MLKL: variants seen among roughly 807,000 people sequenced by gnomAD.
MLKL encodes mixed lineage kinase domain like pseudokinase.
MLKL carries 55 observed loss-of-function variants against 56.5 expected under a neutral mutation model. The ratio of observed to expected loss-of-function variants is 0.97; its 90% CI spans 0.78 to 1.22. The LOEUF (loss-of-function observed/expected upper bound fraction) is 1.22. Among genes scored for constraint, MLKL ranks in the 50% most tolerant of loss-of-function variants. The pLI is 0.00. For missense variants in MLKL, 694 were observed against 573.9 expected, an observed-to-expected ratio of 1.21 and a Z score of -2.14; for synonymous variants, 251 against 208.3, an observed-to-expected ratio of 1.20 and a Z score of -1.76.
At chr16:74,685,701 C>A in intron 4 of MLKL, 118 bp from the exon 5 acceptor site, 1 of 744,928 alleles carries the variant, frequency 1.3e-6, no homozygotes, top group Non-Finnish European at 2.3e-6. Context: ...GGGGTGAGAA[C>A]TGGTGCCAGG....
chr16:74,688,677 C>T (rs1960483783), intron 4 of MLKL, among the ~76,000 whole-genome samples: 1 of 152,152 alleles, frequency 6.6e-6, no homozygotes, highest in African/African-American at 2.4e-5. Context: ...CACACCACTA[C>T]ACTCCAGCCT....
At chr16:74,675,266 T>G (rs1959515919) in intron 9 of MLKL, 89 bp downstream of exon 9, 2 of 1,589,766 alleles carry the variant, frequency 1.3e-6, no homozygotes, top group African/African-American at 2.7e-5. Context: ...AACAACAAAT[T>G]GCCAGGGGCA....
chr16:74,692,769 G>A (rs370204988), intron 2 of MLKL, among the ~76,000 whole-genome samples: 83 of 152,372 alleles, frequency 5.4e-4, no homozygotes, highest in African/African-American at 2.0e-3. Flanking sequence ...TATCCTGGAA[G>A]GAGGACATTC....
At chr16:74,699,214 A>G (rs1449148463) in intron 1 of MLKL, among the ~76,000 whole-genome samples, 2 of 152,212 alleles carry the variant, frequency 1.3e-5, no homozygotes, top group Admixed American at 1.3e-4. Context: ...GGCTGGGAAG[A>G]CTAAAACAGA....
intron 10 of MLKL, among the ~76,000 whole-genome samples, chr16:74,672,947 C>T (rs939524344): frequency 2.0e-5 from 3 of 152,186 alleles, no homozygotes; most frequent in African/African-American, 7.2e-5. Context: ...ATTAAGTCTG[C>T]GCTTCTGCTC....
intron 5 of MLKL, among the ~76,000 whole-genome samples, chr16:74,684,640 A>G (rs965084762): frequency 6.8e-6 from 1 of 147,552 alleles, no homozygotes; most frequent in East Asian, 2.1e-4. Flanking sequence ...GACTAGAGGC[A>G]TGTGCCACCA....
intron 6 of MLKL, among the ~76,000 whole-genome samples, chr16:74,679,787 C>G (rs1472874233): frequency 1.3e-5 from 2 of 152,030 alleles, no homozygotes; most frequent in Non-Finnish European, 2.9e-5. Flanking sequence ...TATACTCCAG[C>G]CTGGGCAGCA....
intron 2 of MLKL, among the ~76,000 whole-genome samples, chr16:74,693,453 C>CAAAAAAAA (rs71158538): frequency 2.0e-4 from 7 of 35,370 alleles, no homozygotes; most frequent in Admixed American, 8.5e-4. Context: ...GACTCTGTCT[C>CAAAAAAAA]AAAAAAAAAA....
intron 1 of MLKL, among the ~76,000 whole-genome samples, chr16:74,699,749 A>T (rs766498277): frequency 2.6e-5 from 4 of 152,162 alleles, no homozygotes; most frequent in Non-Finnish European, 5.9e-5. Context: ...AGCCTGGGTG[A>T]CAAAGCGAGA....
At position 74,700,598 on chromosome 16, in the gene MLKL, C is replaced by G. The variant is rs1348051689; in HGVS notation, c.-148G>C. 1 of 152,690 alleles carries G rather than the reference C, an allele frequency of 6.5e-6. No homozygotes were observed. Among genetic ancestry groups the G allele is most frequent in the Admixed American group, 6.5e-5 (1 of 15,284 alleles). The allele number at this position is 152,690 out of a possible 1,614,324, so 9.5% of individuals were successfully genotyped here. A position where few individuals can be genotyped will look rare whatever the true frequency, so the allele number is the denominator to read the frequency against. ...GCCCGCGGGAGTTCCCCTGCGCCCC[C>G]TTTCCTGGTGCCCGCACCCTGCACT... On this transcript the variant is annotated 5_prime_UTR_variant, in exon 1 of 11. Coordinates refer to ENST00000308807, the MANE Select transcript of MLKL (RefSeq NM_152649.4).
At chr16:74,695,841 C>A in intron 1 of MLKL, 82 bp from the exon 2 acceptor site, 1 of 1,286,244 alleles carries the variant, frequency 7.8e-7, no homozygotes, top group South Asian at 1.5e-5. Flanking sequence ...TCAAAGCGGT[C>A]TGTGACTTAA....
At position 74,685,535 on chromosome 16, in the gene MLKL, G is replaced by C; in HGVS notation, c.771C>G (p.Phe257Leu). The C allele has an allele frequency of 1.2e-6, 2 of 1,614,016 alleles. No individual in the cohort carries two copies. The highest frequency in any genetic ancestry group is 2.2e-5 in the South Asian group (2 of 91,070). The stretch of plus-strand genomic sequence containing the variant: ...ATATACGCAGGATGTTGGGAGATTC[G>C]AATTTCTTCATGGTTTTGATCTCCT... Reference protein sequence around the residue: ...FNKEIKTMKKFESPNILRIFG... With the variant: ...FNKEIKTMKKLESPNILRIFG... The change falls in exon 5 of 11, where the codon TTC becomes TTG. Residue 257 changes from phenylalanine to leucine, a missense_variant. By Grantham distance (22) the Phe-to-Leu change is conservative. Coordinates refer to ENST00000308807, the MANE Select transcript of MLKL (RefSeq NM_152649.4).
chr16:74,686,030 G>C (rs964802663), intron 4 of MLKL, among the ~76,000 whole-genome samples: 1 of 151,360 alleles, frequency 6.6e-6, no homozygotes. Flanking sequence ...TGCGATCTTG[G>C]CTCACTGCAG....
chr16:74,693,865 A>T (rs959084403), intron 2 of MLKL, among the ~76,000 whole-genome samples: 3 of 152,098 alleles, frequency 2.0e-5, no homozygotes, highest in Non-Finnish European at 4.4e-5. Flanking sequence ...GGCCTCCCAA[A>T]GTGCTGGGAT....
chr16:74,675,712 G>A lies in MLKL; in HGVS notation c.1091C>T (p.Thr364Met), dbSNP rs34389205. 30,887 of 1,614,006 alleles carry A rather than the reference G, an allele frequency of 0.019. 402 individuals carry two copies. Among genetic ancestry groups the A allele is most frequent in the Non-Finnish European group, 0.021 (25,087 of 1,179,978 alleles). Residue 364 changes from threonine (T) to methionine (M), a missense_variant, in exon 8 of 11, where the codon ACG becomes ATG. By Grantham distance (81) the Thr-to-Met change is moderately conservative. Transcript: ENST00000308807. Reference sequence around the variant, plus strand: ...TTTGACTCTGTCTGTCTTTTCTCTCGTAGTTCCCAAACTCATGGAAGTCTG... The same window carrying A: ...TTTGACTCTGTCTGTCTTTTCTCTCATAGTTCCCAAACTCATGGAAGTCTG... The part of the protein sequence containing the change: ...KTQTSMSLGT[T>M]REKTDRVKST...
chr16:74,684,717 A>G (rs779743065), intron 5 of MLKL, among the ~76,000 whole-genome samples: 2 of 152,016 alleles, frequency 1.3e-5, no homozygotes, highest in African/African-American at 4.8e-5. Flanking sequence ...GACGGTCTCA[A>G]GCTCCTGACC....
chr16:74,674,349 C>T lies in MLKL; in HGVS notation c.1381+611G>A, dbSNP rs114034367. On this transcript the variant is annotated intron_variant, in intron 10 of 10. Transcript: ENST00000308807. The stretch of plus-strand genomic sequence containing the variant: ...TGGGTTTTTAATAGAGACGAGGTTT[C>T]ATCATGCTGGCCAGGGTGGTCTCAA... 7.8e-3 allele frequency among the ~76,000 whole-genome samples: 1,189 copies of T among 151,944 alleles called. 18 individuals are homozygous for T. The highest frequency in any genetic ancestry group is 0.028 in the African/African-American group (1,146 of 41,446).
chr16:74,700,000 C>G (rs1178369671), intron 1 of MLKL, among the ~76,000 whole-genome samples: 1 of 152,004 alleles, frequency 6.6e-6, no homozygotes, highest in African/African-American at 2.4e-5. Flanking sequence ...GATGAGAAAA[C>G]AGGTTACTAA....
At chr16:74,683,078 A>G (rs35127122) in intron 5 of MLKL, among the ~76,000 whole-genome samples, 7 of 152,296 alleles carry the variant, frequency 4.6e-5, no homozygotes, top group Admixed American at 2.6e-4. Flanking sequence ...TGGGAGACCA[A>G]TGTGGGTGGA....
Sources: allele counts gnomAD v4.1 joint callset (sites outside exome capture counted in the v4.1 genomes callset), GRCh38; gene constraint gnomAD v4.1.1; transcripts MANE v1.5; gene names NCBI Gene and HGNC (gene_info 2026-07-23, HGNC 2026-07-21).